GPCPD1: variants seen among roughly 807,000 people sequenced by gnomAD.
GPCPD1 encodes the protein glycerophosphocholine phosphodiesterase GPCPD1.
A neutral mutation model predicts 89.2 loss-of-function variants in GPCPD1; 29 were observed. The observed-to-expected ratio is 0.33, with a 90% confidence interval of 0.24 to 0.44. The LOEUF is 0.44. Among genes scored for constraint, GPCPD1 ranks in the 20% least tolerant of loss-of-function variants. The probability of loss-of-function intolerance (pLI) is 1.00; values close to 1 mark genes in which losing one functional copy is unlikely to be tolerated. For missense variants in GPCPD1, 594 were observed against 808.9 expected (o/e 0.73, Z 3.22); for synonymous variants, 258 against 266.3 (o/e 0.97, Z 0.30).
At chr20:5,586,340 G>A (rs745732345) in intron 4 of GPCPD1, 71 bp from the exon 5 acceptor site, 1 of 813,766 alleles carries the variant, frequency 1.2e-6, no homozygotes, top group Non-Finnish European at 2.1e-6. Context: ...TCCATTAGAT[G>A]TTTGTGGCCT....
chr20:5,553,856 A>C (rs1264465147), intron 19 of GPCPD1, among the ~76,000 whole-genome samples: 5 of 152,270 alleles, frequency 3.3e-5, no homozygotes, highest in Non-Finnish European at 7.3e-5. Context: ...AGCTGTCTCC[A>C]TAACGTAAAA....
chr20:5,573,489 C>T (rs577038929), intron 11 of GPCPD1, among the ~76,000 whole-genome samples: 11 of 152,174 alleles, frequency 7.2e-5, no homozygotes, highest in Non-Finnish European at 1.5e-4. Context: ...TTCAGATACT[C>T]ACTTTGGAAA....
At chr20:5,600,936 G>GC (rs1980090176) in intron 2 of GPCPD1, among the ~76,000 whole-genome samples, 3 of 152,146 alleles carry the variant, frequency 2.0e-5, no homozygotes, top group Admixed American at 2.0e-4. Context: ...GGTGCAGTGA[G>GC]CCAAGATCAT....
chr20:5,598,095 T>C (rs1321103282), intron 3 of GPCPD1, among the ~76,000 whole-genome samples: 2 of 151,612 alleles, frequency 1.3e-5, no homozygotes, highest in Non-Finnish European at 2.9e-5. Flanking sequence ...TTTCTTCAAA[T>C]AAGAAAGCAA....
At chr20:5,575,380 C>G (rs1392938840) in intron 10 of GPCPD1, 33 bp downstream of exon 10, 1 of 1,529,248 alleles carries the variant, frequency 6.5e-7, no homozygotes, top group Admixed American at 1.8e-5. Flanking sequence ...TAAGCTACAC[C>G]AAATGCTAAT....
intron 8 of GPCPD1, among the ~76,000 whole-genome samples, chr20:5,577,854 G>A (rs1467958997): frequency 6.6e-6 from 1 of 152,206 alleles, no homozygotes; most frequent in East Asian, 1.9e-4. Context: ...ACAAGCACTA[G>A]TGTAAGTATC....
intron 19 of GPCPD1, among the ~76,000 whole-genome samples, chr20:5,555,520 C>G (rs1013872556): frequency 1.3e-5 from 2 of 151,486 alleles, no homozygotes; most frequent in East Asian, 3.9e-4. Context: ...GCCTGGGCGA[C>G]AGAGCGAGAC....
Position 5,579,956 on chromosome 20 carries a change from T to C in GPCPD1, c.473+52A>G, listed in dbSNP as rs1291108337. The C allele has an allele frequency of 3.4e-6, 4 of 1,182,542 alleles. No homozygotes were observed. In the Admixed American group the frequency reaches 8.1e-5, roughly 24 times the overall value. The allele number at this position is 1,182,542 out of a possible 1,614,324, so 73.3% of individuals were successfully genotyped here. A position where few individuals can be genotyped will look rare whatever the true frequency, so the allele number is the denominator to read the frequency against. ...GCTAAAACCAATTGAGTCTGAAATC[T>C]ACAGCACTAGTGAAAACAAATAGCC... On this transcript the variant is annotated intron_variant, in intron 7 of 19. Coordinates refer to ENST00000379019, the MANE Select transcript of GPCPD1 (RefSeq NM_019593.5).
At chr20:5,602,314 T>C (rs1980218078) in intron 2 of GPCPD1, among the ~76,000 whole-genome samples, 1 of 152,206 alleles carries the variant, frequency 6.6e-6, no homozygotes, top group Admixed American at 6.5e-5. Context: ...TTGCCCGACA[T>C]GGCCAGCTCC....
In GPCPD1 at chr20:5,560,024, A is replaced by G; in HGVS notation, c.1448T>C (p.Leu483Ser). 6.3e-7 allele frequency: 1 copy of G among 1,579,412 alleles called. No homozygotes were observed. The highest frequency in any genetic ancestry group is 1.1e-5 in the South Asian group (1 of 87,696). ...TAAAACAGTTTTTAAAATTATATCCAAAAACAGATTCATGTCAAAATATGT... is the reference window on the plus strand; with the variant it reads ...TAAAACAGTTTTTAAAATTATATCCGAAAACAGATTCATGTCAAAATATGT... Reference protein sequence around the residue: ...LSTYFDMNLFLDIILKTVLEN... With the variant: ...LSTYFDMNLFSDIILKTVLEN... Residue 483 changes from leucine (L) to serine (S), a missense_variant, in exon 17 of 20, where the codon TTG becomes TCG. Leu to Ser is a moderately radical substitution (Grantham distance 145). Transcript: ENST00000379019.
intron 15 of GPCPD1, among the ~76,000 whole-genome samples, chr20:5,564,476 T>C (rs1461035544): frequency 6.6e-6 from 1 of 152,134 alleles, no homozygotes; most frequent in East Asian, 1.9e-4. Context: ...TTTTATTTAT[T>C]TGAATAGAAG....
chr20:5,575,092 G>A (rs540993508), intron 10 of GPCPD1, among the ~76,000 whole-genome samples: 5 of 149,338 alleles, frequency 3.3e-5, no homozygotes, highest in South Asian at 2.1e-4. Context: ...TTATAGATGC[G>A]GAAACTCAGA....
intron 3 of GPCPD1, among the ~76,000 whole-genome samples, chr20:5,597,554 A>G (rs1316316838): frequency 6.6e-6 from 1 of 152,216 alleles, no homozygotes; most frequent in Non-Finnish European, 1.5e-5. Flanking sequence ...TGCACAGGCC[A>G]CATTTTAAGA....
chr20:5,593,126 A>G (rs1286076798), intron 4 of GPCPD1, among the ~76,000 whole-genome samples: 1 of 152,232 alleles, frequency 6.6e-6, no homozygotes, highest in African/African-American at 2.4e-5. Flanking sequence ...CATACTTACT[A>G]TGTCTTTTTA....
chr20:5,544,936 G>C lies in GPCPD1; in HGVS notation c.*2725C>G, dbSNP rs1445418044. 1 of 152,208 alleles carries C rather than the reference G, an allele frequency of 6.6e-6. No individual in the cohort carries two copies. The highest frequency in any genetic ancestry group is 1.5e-5 in the Non-Finnish European group (1 of 68,054). 9.4% of individuals were successfully genotyped at this position (152,208 alleles called of 1,614,324 possible). On this transcript the variant is annotated 3_prime_UTR_variant, in exon 20 of 20. Transcript: ENST00000379019. Reference sequence around the variant, plus strand: ...TGTCACAAGGAGCAACGGCAGAGAGGTGGGTGGGTGGCAGGAAGCGCCACA... The same window carrying C: ...TGTCACAAGGAGCAACGGCAGAGAGCTGGGTGGGTGGCAGGAAGCGCCACA...
intron 12 of GPCPD1, chr20:5,567,791 G>T: frequency 2.8e-6 from 1 of 360,136 alleles, no homozygotes; most frequent in Non-Finnish European, 5.0e-6. Context: ...TTGCAGTGTA[G>T]AATACCTGGA....
At position 5,571,542 on chromosome 20, in the gene GPCPD1, G is replaced by A. The variant is rs916346788; in HGVS notation, c.1057-1303C>T. On this transcript the variant is annotated intron_variant, in intron 11 of 19. Coordinates refer to ENST00000379019, the MANE Select transcript of GPCPD1 (RefSeq NM_019593.5). ...TAACACATCTGAAAATGTGATCCCT[G>A]TGAGTTATAAAGGATTTCATTAGAA... Among the ~76,000 whole-genome samples the A allele has an allele frequency of 2.6e-5, 4 of 152,132 alleles. No individual in the cohort carries two copies. The South Asian group carries it at 6.2e-4, about 24-fold the overall frequency.
At chr20:5,560,773 GC>G (rs1293663345) in intron 16 of GPCPD1, among the ~76,000 whole-genome samples, 1 of 152,148 alleles carries the variant, frequency 6.6e-6, no homozygotes, top group African/African-American at 2.4e-5. Context: ...ATTGCTCAAT[GC>G]CCAATCATGA....
chr20:5,580,595 G>A (rs1436309672), intron 6 of GPCPD1, among the ~76,000 whole-genome samples: 1 of 151,478 alleles, frequency 6.6e-6, no homozygotes, highest in Non-Finnish European at 1.5e-5. Flanking sequence ...GCGTGGTGGC[G>A]GGCGCCTGTA....
Sources: gnomAD v4.1 joint callset for allele counts (sites outside exome capture counted in the v4.1 genomes callset) on GRCh38, gnomAD v4.1.1 for gene constraint, MANE v1.5 for transcripts, NCBI Gene and HGNC (gene_info 2026-07-23, HGNC 2026-07-21) for gene names.